C5: variants seen among roughly 807,000 people sequenced by gnomAD.
The protein encoded by C5 is complement C5, also known as C3 and PZP-like alpha-2-macroglobulin domain-containing protein 4.
A neutral mutation model predicts 218.8 loss-of-function variants in C5; 140 were observed. The ratio of observed to expected loss-of-function variants is 0.64; its 90% CI spans 0.56 to 0.74. C5 has a LOEUF of 0.74. Among genes scored for constraint, C5 ranks in the 30% least tolerant of loss-of-function variants. C5 has a pLI of 0.00. For missense variants in C5, 1,700 were observed against 1,969.6 expected (o/e 0.86, Z 2.59); for synonymous variants, 614 against 682.3 (o/e 0.90, Z 1.56).
At chr9:120,986,621 T>C (rs191384916) in intron 25 of C5, among the ~76,000 whole-genome samples, 1 of 151,460 alleles carries the variant, frequency 6.6e-6, no homozygotes, top group African/African-American at 2.5e-5. Context: ...TGTACCTTCC[T>C]GTGGGGCTTT....
intron 21 of C5, among the ~76,000 whole-genome samples, chr9:120,996,891 T>C (rs1425536434): frequency 2.0e-5 from 3 of 152,118 alleles, no homozygotes; most frequent in Non-Finnish European, 4.4e-5. Flanking sequence ...AGTACTATTA[T>C]TTTTAATTGG....
Position 121,021,658 on chromosome 9 carries a change from C to T in C5, c.1153G>A (p.Gly385Arg). Reference sequence around the variant, plus strand: ...TGTGCATTCAGTGTTACTGGGACTCCTCCTACCAACTGGTCAAGCGAATCT... The same window carrying T: ...TGTGCATTCAGTGTTACTGGGACTCTTCCTACCAACTGGTCAAGCGAATCT... ...VKDSLDQLVG[G>R]VPVTLNAQTI... The change falls in exon 11 of 41, where the codon GGA becomes AGA. Residue 385 changes from glycine (G) to arginine (R), a missense_variant. By Grantham distance (125) the Gly-to-Arg change is moderately radical. Transcript: ENST00000223642. 3 of 1,614,008 alleles carry T rather than the reference C, an allele frequency of 1.9e-6. No individual in the cohort carries two copies. Among genetic ancestry groups the T allele is most frequent in the Non-Finnish European group, 2.5e-6 (3 of 1,179,932 alleles).
intron 19 of C5, 132 bp downstream of exon 19, chr9:121,006,772 C>T: frequency 1.5e-6 from 1 of 678,024 alleles, no homozygotes; most frequent in Non-Finnish European, 2.6e-6. Context: ...TTTGGTAATA[C>T]ATAAAAAAAA....
At chr9:121,028,516 A>T (rs1307182823) in intron 7 of C5, among the ~76,000 whole-genome samples, 4 of 152,200 alleles carry the variant, frequency 2.6e-5, no homozygotes, top group Non-Finnish European at 5.9e-5. Context: ...ATGCAGGCAT[A>T]AAAAAGGATG....
chr9:120,959,232 ATTTCTTTCTTTC>A (rs36185563), intron 38 of C5, among the ~76,000 whole-genome samples: 94 of 144,830 alleles, frequency 6.5e-4, no homozygotes, highest in East Asian at 3.1e-3. Context: ...CACCCTTCAA[ATTTCTTTCTTTC>A]TTTCTTTCTT....
intron 28 of C5, among the ~76,000 whole-genome samples, chr9:120,978,014 T>C (rs2046965669): frequency 6.6e-6 from 1 of 152,108 alleles, no homozygotes. Flanking sequence ...ATTATTATTA[T>C]TACTGACACT....
At chr9:120,987,403 G>T (rs2047040818) in intron 25 of C5, among the ~76,000 whole-genome samples, 1 of 152,032 alleles carries the variant, frequency 6.6e-6, no homozygotes, top group Non-Finnish European at 1.5e-5. Flanking sequence ...CCAGCCCTTT[G>T]GGAGGTTGAG....
Position 121,017,846 on chromosome 9 carries a change from A to G in C5, c.1513T>C (p.Ser505Pro), listed in dbSNP as rs773645787. The change falls in exon 13 of 41, where the codon TCC (serine) becomes CCC (proline). Residue 505 changes from serine (S) to proline (P), a missense_variant. By Grantham distance (74) the Ser-to-Pro change is moderately conservative (BLOSUM62 -1). Coordinates refer to ENST00000223642, the MANE Select transcript of C5 (RefSeq NM_001735.3). ...CCAAAGTGGATAATTTTGCCCTTGGATAAAATCTAAAAATAAACAGCAGCA... is the reference window on the plus strand; with the variant it reads ...CCAAAGTGGATAATTTTGCCCTTGGGTAAAATCTAAAAATAAACAGCAGCA... ...KITHYNYLILSKGKIIHFGTR... is the reference protein window; with the variant it reads ...KITHYNYLILPKGKIIHFGTR... The G allele has an allele frequency of 3.1e-6, 5 of 1,605,362 alleles. No homozygotes were observed. The East Asian group carries it at 6.7e-5, about 21-fold the overall frequency.
At chr9:121,002,252 A>ATATGTGTGTGTGTGTGTG (rs2047172790) in intron 20 of C5, among the ~76,000 whole-genome samples, 1 of 42,832 alleles carries the variant, frequency 2.3e-5, no homozygotes, top group Non-Finnish European at 7.4e-5. Context: ...ATGTATATAT[A>ATATGTGTGTGTGTGTGTG]TGTATATATG....
intron 29 of C5, 68 bp from the exon 30 acceptor site, chr9:120,974,999 C>G (rs2046942827): frequency 1.3e-6 from 2 of 1,563,414 alleles, no homozygotes; most frequent in Non-Finnish European, 1.8e-6. Flanking sequence ...TACAAATGCC[C>G]TTTTTATGAG....
chr9:120,980,481 T>C (rs1012316531), intron 27 of C5, among the ~76,000 whole-genome samples: 1 of 152,208 alleles, frequency 6.6e-6, no homozygotes, highest in African/African-American at 2.4e-5. Flanking sequence ...TTAAGCTTTT[T>C]GCCTCTGAAT....
rs1587983219 is a variant in C5, at chr9:121,019,923, G to A, written c.1506+53C>T. ...ATTCTAATGCCTCTCTAGAGGCAAAGGAAAATGTTCCAGGTGGGGGAATAA... is the reference window on the plus strand; with the variant it reads ...ATTCTAATGCCTCTCTAGAGGCAAAAGAAAATGTTCCAGGTGGGGGAATAA... On this transcript the variant is annotated intron_variant, in intron 12 of 40. Transcript: ENST00000223642. 3 of 1,205,768 alleles carry A rather than the reference G, an allele frequency of 2.5e-6. No homozygotes were observed. The African/African-American group carries it at 4.5e-5, about 18-fold the overall frequency. The allele number at this position is 1,205,768 out of a possible 1,614,324, so 74.7% of individuals were successfully genotyped here.
At chr9:121,035,349 T>G (rs1033581754) in intron 4 of C5, among the ~76,000 whole-genome samples, 3 of 152,262 alleles carry the variant, frequency 2.0e-5, no homozygotes, top group African/African-American at 7.2e-5. Flanking sequence ...CCAGATGTTT[T>G]ATAAATGTAT....
the C5 span, among the ~76,000 whole-genome samples, chr9:121,059,074 T>A: frequency 6.6e-6 from 1 of 152,114 alleles, no homozygotes; most frequent in Non-Finnish European, 1.5e-5. The surrounding 1 kb of genome is among the most constrained non-coding windows in gnomAD (Gnocchi z 4.1). Flanking sequence ...CGTGGATAAA[T>A]TTGTATTTGA....
At chr9:120,981,367 T>C (rs2046991480) in intron 27 of C5, among the ~76,000 whole-genome samples, 1 of 152,236 alleles carries the variant, frequency 6.6e-6, no homozygotes, top group African/African-American at 2.4e-5. Flanking sequence ...ATCACTTTTC[T>C]CCCGTTTCCA....
intron 17 of C5, among the ~76,000 whole-genome samples, chr9:121,011,971 A>G (rs772490039): frequency 6.6e-6 from 1 of 151,564 alleles, no homozygotes; most frequent in Non-Finnish European, 1.5e-5. Context: ...TGGGAAGGGT[A>G]GTAGGAGGAT....
At chr9:120,974,712 A>T in intron 30 of C5, 67 bp downstream of exon 30, 2 of 1,351,158 alleles carry the variant, frequency 1.5e-6, no homozygotes, top group Non-Finnish European at 2.1e-6. Context: ...TATAAAATAA[A>T]GAGTGGAACA....
chr9:121,041,018 A>G (rs1047231741), intron 3 of C5, among the ~76,000 whole-genome samples: 9 of 142,336 alleles, frequency 6.3e-5, no homozygotes, highest in African/African-American at 1.1e-4. Flanking sequence ...GCGCGATCTC[A>G]CTGCAACCTC....
At chr9:121,016,021 G>C (rs1395004798) in intron 15 of C5, among the ~76,000 whole-genome samples, 2 of 152,202 alleles carry the variant, frequency 1.3e-5, no homozygotes, top group Non-Finnish European at 2.9e-5. Flanking sequence ...AGGCACAGCA[G>C]GGTAAGAGCT....
Sources: allele counts gnomAD v4.1 joint callset (sites outside exome capture counted in the v4.1 genomes callset), GRCh38; gene constraint gnomAD v4.1.1; non-coding constraint Gnocchi (gnomAD v3.1); transcripts MANE v1.5; gene names NCBI Gene and HGNC (gene_info 2026-07-23, HGNC 2026-07-21).